The following PTPN4 variants were observed in gnomAD, a reference collection of about 807,000 sequenced individuals.
PTPN4 encodes the protein protein tyrosine phosphatase non-receptor type 4.
In PTPN4, 49 loss-of-function variants were observed where a neutral mutation model predicts 135.5. That is an observed-to-expected ratio of 0.36 (90% CI 0.29 to 0.46). The LOEUF (loss-of-function observed/expected upper bound fraction) is 0.46, where lower values mean the gene tolerates loss of function less well. PTPN4 is among the 20% of genes least tolerant of loss of function. PTPN4 has a pLI of 1.00. For missense variants in PTPN4, 860 were observed against 1,101.0 expected, an observed-to-expected ratio of 0.78 and a Z score of 3.10; for synonymous variants, 333 against 369.9, an observed-to-expected ratio of 0.90 and a Z score of 1.14.
At chr2:119,785,240 T>C (rs1039628875) in intron 1 of PTPN4, among the ~76,000 whole-genome samples, 2 of 152,162 alleles carry the variant, frequency 1.3e-5, no homozygotes, top group Non-Finnish European at 2.9e-5. Context: ...TCTACATTCG[T>C]GTTTCTCAAA....
chr2:119,770,538 A>G (rs920193460), intron 1 of PTPN4, among the ~76,000 whole-genome samples: 2 of 152,168 alleles, frequency 1.3e-5, no homozygotes, highest in Admixed American at 6.5e-5. Flanking sequence ...AGAAACACAT[A>G]TAAAGATTAC....
rs181858360 is a variant in PTPN4, at chr2:119,766,022, C to G, written c.-18+5638C>G. 2.2e-4 allele frequency among the ~76,000 whole-genome samples: 33 copies of G among 151,922 alleles called. No individual in the cohort carries two copies. The East Asian group carries it at 5.8e-3, about 27-fold the overall frequency. On this transcript the variant is annotated intron_variant, in intron 1 of 26. Transcript: ENST00000263708. ...GCAATGAGTGGGATCATTTTAAGAC[C>G]TTTAAAATAGAGCTTCCCAACTGGT...
intron 3 of PTPN4, among the ~76,000 whole-genome samples, chr2:119,863,745 G>C (rs904901813): frequency 6.6e-6 from 1 of 152,010 alleles, no homozygotes; most frequent in African/African-American, 2.4e-5. Flanking sequence ...CAAACCAAGG[G>C]CCAGCTAGTT....
At chr2:119,779,243 T>C (rs1458871767) in intron 1 of PTPN4, among the ~76,000 whole-genome samples, 1 of 152,234 alleles carries the variant, frequency 6.6e-6, no homozygotes, top group South Asian at 2.1e-4. Flanking sequence ...AATTTATAAT[T>C]ACATACAAAA....
At chr2:119,912,007 C>T (rs1313732954) in intron 10 of PTPN4, among the ~76,000 whole-genome samples, 2 of 152,030 alleles carry the variant, frequency 1.3e-5, no homozygotes, top group Non-Finnish European at 1.5e-5. Flanking sequence ...TTGTAATAGC[C>T]GAAAACTAGA....
At chr2:119,865,854 G>A (rs1186580142) in intron 3 of PTPN4, among the ~76,000 whole-genome samples, 22 of 152,120 alleles carry the variant, frequency 1.4e-4, no homozygotes, top group Non-Finnish European at 3.2e-4. Context: ...GTTTATAATT[G>A]ATAAACTTAA....
At chr2:119,794,456 G>T (rs913167298) in intron 1 of PTPN4, among the ~76,000 whole-genome samples, 6 of 152,340 alleles carry the variant, frequency 3.9e-5, no homozygotes, top group African/African-American at 1.4e-4. Flanking sequence ...GCACAGCCAG[G>T]CATGCTGGCT....
At chr2:119,965,997 T>A (rs1679440120) in intron 25 of PTPN4, among the ~76,000 whole-genome samples, 1 of 152,214 alleles carries the variant, frequency 6.6e-6, no homozygotes, top group African/African-American at 2.4e-5. Context: ...CTGGGTAATT[T>A]AAAAGGAACA....
intron 2 of PTPN4, among the ~76,000 whole-genome samples, chr2:119,854,192 C>G (rs546770120): frequency 6.6e-6 from 1 of 152,164 alleles, no homozygotes; most frequent in Non-Finnish European, 1.5e-5. Context: ...CCTGCACACG[C>G]GGAGTCATCT....
At chr2:119,879,055 T>C (rs111329386) in intron 5 of PTPN4, among the ~76,000 whole-genome samples, 2 of 147,724 alleles carry the variant, frequency 1.4e-5, no homozygotes, top group African/African-American at 5.0e-5. Flanking sequence ...ATCACGCCAC[T>C]GCACTCCAGC....
chr2:119,884,084 G>C (rs914715351), intron 8 of PTPN4, among the ~76,000 whole-genome samples: 4 of 152,196 alleles, frequency 2.6e-5, no homozygotes, highest in African/African-American at 7.2e-5. Context: ...ATTTTTAATA[G>C]AGATGGGGTT....
intron 1 of PTPN4, among the ~76,000 whole-genome samples, chr2:119,776,337 G>A (rs968200678): frequency 7.9e-5 from 12 of 152,030 alleles, no homozygotes; most frequent in African/African-American, 2.7e-4. Flanking sequence ...CACCACGCCC[G>A]GCTAATTTTT....
At chr2:119,957,830 TTACCTC>T (rs1186675309) in intron 22 of PTPN4, among the ~76,000 whole-genome samples, 1 of 152,132 alleles carries the variant, frequency 6.6e-6, no homozygotes, top group Non-Finnish European at 1.5e-5. Flanking sequence ...TATAAATACT[TTACCTC>T]TACTCACTCT....
Position 119,765,069 on chromosome 2 carries a change from G to T in PTPN4, c.-18+4685G>T, listed in dbSNP as rs527622636. Among the ~76,000 whole-genome samples the T allele has an allele frequency of 1.8e-4, 27 of 152,270 alleles. No individual in the cohort carries two copies. In the South Asian group the frequency reaches 5.6e-3, roughly 32 times the overall value. On this transcript the variant is annotated intron_variant, in intron 1 of 26. Transcript: ENST00000263708. ...AGTCAAATCTGGTGTGGAATCTAGCGTCAAAAGCCTTGGGCAAAGTGTCTC... is the reference window on the plus strand; with the variant it reads ...AGTCAAATCTGGTGTGGAATCTAGCTTCAAAAGCCTTGGGCAAAGTGTCTC...
intron 3 of PTPN4, 98 bp downstream of exon 3, chr2:119,862,741 G>GTTTT: frequency 1.2e-6 from 1 of 811,380 alleles, no homozygotes. Context: ...GATTTGATGA[G>GTTTT]TTTTTTTTTT....
intron 26 of PTPN4, among the ~76,000 whole-genome samples, chr2:119,975,176 A>G (rs1345765629): frequency 6.6e-6 from 1 of 152,126 alleles, no homozygotes; most frequent in Middle Eastern, 3.2e-3. Flanking sequence ...CAGTAGTGTG[A>G]TCACCACTCA....
chr2:119,910,182 A>C (rs534302458), intron 10 of PTPN4, among the ~76,000 whole-genome samples: 1 of 152,210 alleles, frequency 6.6e-6, no homozygotes, highest in East Asian at 1.9e-4. Flanking sequence ...CCCTCCACCA[A>C]CAAAAGATTA....
chr2:119,871,934 T>C (rs1677916223), intron 3 of PTPN4, among the ~76,000 whole-genome samples: 1 of 152,142 alleles, frequency 6.6e-6, no homozygotes, highest in African/African-American at 2.4e-5. Flanking sequence ...AGTCTGATAC[T>C]CATTGACTCA....
At chr2:119,881,527 A>G (rs1362300879) in intron 5 of PTPN4, among the ~76,000 whole-genome samples, 1 of 152,202 alleles carries the variant, frequency 6.6e-6, no homozygotes, top group African/African-American at 2.4e-5. Flanking sequence ...AACTATTTGA[A>G]ATCTTGAGGG....
Sources: gnomAD v4.1 joint callset for allele counts (sites outside exome capture counted in the v4.1 genomes callset) on GRCh38, gnomAD v4.1.1 for gene constraint, MANE v1.5 for transcripts, NCBI Gene and HGNC (gene_info 2026-07-23, HGNC 2026-07-21) for gene names.